WNK3: variants seen among roughly 807,000 people sequenced by gnomAD.
WNK3 encodes the protein WNK lysine deficient protein kinase 3.
A neutral mutation model predicts 116.7 loss-of-function variants in WNK3; 18 were observed. That is an observed-to-expected ratio of 0.15 (90% CI 0.11 to 0.23). The LOEUF (loss-of-function observed/expected upper bound fraction) is 0.23, where lower values mean the gene tolerates loss of function less well. Ranked by LOEUF, WNK3 falls within the 10% of genes least tolerant of loss-of-function variation. WNK3 has a pLI of 1.00. For synonymous variants in WNK3, 404 were observed against 469.4 expected (o/e 0.86, Z 1.80); for missense variants, 993 against 1,323.8 (o/e 0.75, Z 3.88).
chrX:54,267,396 T>C (rs187796220), intron 10 of WNK3, among the ~76,000 whole-genome samples: 2 of 110,104 alleles, frequency 1.8e-5, no homozygotes, highest in Admixed American at 1.9e-4. Flanking sequence ...CCCATAAATA[T>C]ATGCACCTGC....
At chrX:54,228,489 G>A (rs1170782674) in intron 22 of WNK3, among the ~76,000 whole-genome samples, 1 of 111,215 alleles carries the variant, frequency 9.0e-6, no homozygotes, top group Non-Finnish European at 1.9e-5. Flanking sequence ...TAGGGCCTGT[G>A]GTTGGGGGTT....
At chrX:54,326,566 C>T (rs1423955953) in intron 2 of WNK3, among the ~76,000 whole-genome samples, 1 of 111,016 alleles carries the variant, frequency 9.0e-6, no homozygotes, top group Non-Finnish European at 1.9e-5. Context: ...GGTGCAGTGG[C>T]TCATGCCTGT....
chrX:54,279,054 G>A (rs1197870270), intron 10 of WNK3, among the ~76,000 whole-genome samples: 3 of 110,155 alleles, frequency 2.7e-5, no homozygotes. Flanking sequence ...GGCGACAAGA[G>A]CGAAACTCCA....
rs2068251582 is a variant in WNK3, at chrX:54,261,129, TG to T, written c.2038-1792del. 2.7e-5 allele frequency among the ~76,000 whole-genome samples: 3 copies of T among 110,537 alleles called. No homozygotes were observed. In the Middle Eastern group the frequency reaches 0.014, roughly 514 times the overall value. ...TGGATTGAAAATGTAATATTCTGCC[TG>T]GGCATGGTGGCTCACACCTGTAATC... On this transcript the variant is annotated intron_variant, in intron 10 of 23. Transcript: ENST00000354646.
chrX:54,258,346 T>C (rs1402746497), intron 11 of WNK3, among the ~76,000 whole-genome samples: 2 of 108,995 alleles, frequency 1.8e-5, no homozygotes, highest in Non-Finnish European at 3.8e-5. Flanking sequence ...ATTTTATTTA[T>C]TTATTTAGAC....
intron 10 of WNK3, among the ~76,000 whole-genome samples, chrX:54,279,858 T>C (rs2068494667): frequency 8.9e-6 from 1 of 112,031 alleles, no homozygotes; most frequent in African/African-American, 3.2e-5. Flanking sequence ...AATAAAGTTC[T>C]TTAAAAGTAA....
intron 11 of WNK3, among the ~76,000 whole-genome samples, chrX:54,258,179 G>C (rs955686046): frequency 1.9e-5 from 2 of 103,545 alleles, no homozygotes; most frequent in African/African-American, 7.1e-5. Flanking sequence ...TTGGGAGGCT[G>C]AGGCACAAGA....
exon 24 of WNK3, chrX:54,196,814 C>T (rs1210686114): frequency 9.0e-6 from 1 of 111,576 alleles, no homozygotes; most frequent in African/African-American, 3.3e-5. Flanking sequence ...ATTGCCTCCC[C>T]TCCTCCTAAA....
chrX:54,193,488 T>A (rs782430374), exon 24 of WNK3: 1 of 111,744 alleles, frequency 8.9e-6, no homozygotes, highest in South Asian at 3.7e-4. Context: ...CTTCCCTTCT[T>A]GCTTGACTTT....
intron 2 of WNK3, among the ~76,000 whole-genome samples, chrX:54,322,672 T>C (rs912880433): frequency 1.8e-5 from 2 of 111,856 alleles, no homozygotes; most frequent in Admixed American, 1.9e-4. Context: ...CTCTGCTCCA[T>C]TGGGAAAATT....
chrX:54,320,512 T>C (rs2069016797), intron 2 of WNK3, among the ~76,000 whole-genome samples: 2 of 111,920 alleles, frequency 1.8e-5, no homozygotes, highest in Non-Finnish European at 3.8e-5. Context: ...AAGCACTCTA[T>C]CAATGAATAT....
chrX:54,242,058 A>C (rs1557151706), intron 17 of WNK3, among the ~76,000 whole-genome samples: 1 of 111,649 alleles, frequency 9.0e-6, no homozygotes, highest in Non-Finnish European at 1.9e-5. Flanking sequence ...AGAAAATCCA[A>C]AATAATCCAC....
At chrX:54,218,004 C>T (rs1177095973) in intron 22 of WNK3, among the ~76,000 whole-genome samples, 1 of 111,188 alleles carries the variant, frequency 9.0e-6, no homozygotes, top group Non-Finnish European at 1.9e-5. Flanking sequence ...AAAAGGGGAC[C>T]CAACAAAAAC....
intron 12 of WNK3, among the ~76,000 whole-genome samples, chrX:54,254,976 C>G (rs138544741): frequency 2.7e-5 from 3 of 110,536 alleles, no homozygotes; most frequent in African/African-American, 9.9e-5. Flanking sequence ...TTACTTCGCT[C>G]CTCTGATTTC....
At chrX:54,235,604 T>C (rs781965352) in intron 20 of WNK3, among the ~76,000 whole-genome samples, 88 of 111,470 alleles carry the variant, frequency 7.9e-4, no homozygotes, top group African/African-American at 2.6e-3. Flanking sequence ...GCTTTTTGCG[T>C]GCCTATTTAG....
At chrX:54,268,080 G>GCACACA (rs57010526) in intron 10 of WNK3, among the ~76,000 whole-genome samples, 1,025 of 80,789 alleles carry the variant, frequency 0.013, 13 homozygotes, top group East Asian at 0.024. Flanking sequence ...CTGAATGCGT[G>GCACACA]CACACACACA....
exon 24 of WNK3, chrX:54,193,344 C>G (rs1014528738): frequency 9.1e-6 from 1 of 110,255 alleles, no homozygotes; most frequent in African/African-American, 3.3e-5. Context: ...TGTTCTGGAC[C>G]GCAAACCTCA....
intron 20 of WNK3, among the ~76,000 whole-genome samples, 180 bp from the exon 21 acceptor site, chrX:54,233,200 G>A (rs2067921276): frequency 9.4e-6 from 1 of 105,943 alleles, no homozygotes; most frequent in Non-Finnish European, 1.9e-5. Context: ...CGAGGCAGGA[G>A]TATTGTTTCA....
At chrX:54,248,602 C>T (rs1216088290) in intron 17 of WNK3, 95 bp downstream of exon 17, 1 of 762,694 alleles carries the variant, frequency 1.3e-6, no homozygotes, top group East Asian at 3.5e-5. Context: ...TGACATAGAC[C>T]ATTTCATCTC....
Sources: allele counts gnomAD v4.1 joint callset (sites outside exome capture counted in the v4.1 genomes callset), GRCh38; gene constraint gnomAD v4.1.1; transcripts MANE v1.5; gene names NCBI Gene and HGNC (gene_info 2026-07-23, HGNC 2026-07-21).